SLC36A1: variants seen among roughly 807,000 people sequenced by gnomAD.
SLC36A1 encodes the protein solute carrier family 36 member 1.
A neutral mutation model predicts 47.5 loss-of-function variants in SLC36A1; 30 were observed. That is an observed-to-expected ratio of 0.63 (90% confidence interval 0.47 to 0.86). SLC36A1 has a LOEUF of 0.86. Ranked by LOEUF, SLC36A1 falls within the 40% of genes least tolerant of loss-of-function variation. The pLI is 0.00. For synonymous variants in SLC36A1, 255 were observed against 249.7 expected, an observed-to-expected ratio of 1.02 and a Z score of -0.20; for missense variants, 517 against 606.0, an observed-to-expected ratio of 0.85 and a Z score of 1.54.
the SLC36A1 span, among the ~76,000 whole-genome samples, chr5:151,383,971 G>A: frequency 2.0e-5 from 3 of 152,016 alleles, no homozygotes; most frequent in African/African-American, 4.8e-5. Context: ...CAAGTCCATT[G>A]TAAAACGTAG....
chr5:151,525,268 A>T, the SLC36A1 span, among the ~76,000 whole-genome samples: 1 of 152,306 alleles, frequency 6.6e-6, no homozygotes, highest in Non-Finnish European at 1.5e-5. Context: ...GTTCTTTAGC[A>T]ATTCCTATGA....
At chr5:151,544,863 G>T in the SLC36A1 span, 9 of 1,614,156 alleles carry the variant, frequency 5.6e-6, no homozygotes, top group South Asian at 9.9e-5. Flanking sequence ...CCTGAAAGAG[G>T]ACATCCCCTG....
chr5:151,379,443 C>T, the SLC36A1 span, among the ~76,000 whole-genome samples: 7 of 152,260 alleles, frequency 4.6e-5, no homozygotes, highest in Non-Finnish European at 7.3e-5. Context: ...AAGCGATTCT[C>T]CTGCCTCAGC....
the SLC36A1 span, among the ~76,000 whole-genome samples, chr5:151,536,643 T>C: frequency 4.6e-5 from 7 of 152,186 alleles, no homozygotes; most frequent in Non-Finnish European, 2.9e-5. Context: ...TGCTTCCCAC[T>C]CTGCTCTATC....
chr5:151,351,819 C>T, the SLC36A1 span, among the ~76,000 whole-genome samples: 3 of 152,176 alleles, frequency 2.0e-5, no homozygotes, highest in African/African-American at 7.2e-5. Context: ...CTGGCCTCTC[C>T]ACTTCCCTGT....
Position 151,488,415 on chromosome 5 carries a change from G to A in SLC36A1, c.*161G>A. The stretch of plus-strand genomic sequence containing the variant: ...GGATACCCTGGGCCAGGTAACCTGA[G>A]GGCAGGGGAGAGGTGGGGTGGCAGA... On this transcript the variant is annotated 3_prime_UTR_variant, in exon 11 of 11. Coordinates refer to ENST00000243389, the MANE Select transcript of SLC36A1 (RefSeq NM_078483.4). 1.1e-6 allele frequency: 1 copy of A among 907,892 alleles called. No homozygotes were observed. Among genetic ancestry groups the A allele is most frequent in the Non-Finnish European group, 1.6e-6 (1 of 613,570 alleles). The allele number at this position is 907,892 out of a possible 1,614,324, so 56.2% of individuals were successfully genotyped here.
chr5:151,532,118 T>G, the SLC36A1 span: 3 of 1,014,994 alleles, frequency 3.0e-6, no homozygotes, highest in Non-Finnish European at 4.3e-6. Flanking sequence ...TGAGGGTCTC[T>G]CCAGCGGGGT....
the SLC36A1 span, among the ~76,000 whole-genome samples, chr5:151,353,000 A>C: frequency 0.011 from 1,658 of 152,334 alleles, 68 homozygotes; most frequent in East Asian, 0.15. Context: ...TAAGGGTCTT[A>C]TGACCCACAA....
chr5:151,474,654 T>C (rs2127520098), intron 8 of SLC36A1, among the ~76,000 whole-genome samples: 1 of 152,338 alleles, frequency 6.6e-6, no homozygotes, highest in Admixed American at 6.5e-5. Flanking sequence ...ATTGGTTTGG[T>C]GTATTTTCTG....
At chr5:151,372,601 G>A in the SLC36A1 span, among the ~76,000 whole-genome samples, 4 of 151,880 alleles carry the variant, frequency 2.6e-5, no homozygotes, top group Admixed American at 6.6e-5. Context: ...ATGTCACCAC[G>A]CCCATCTATT....
chr5:151,479,916 C>T, intron 10 of SLC36A1: 5 of 529,238 alleles, frequency 9.4e-6, no homozygotes, highest in East Asian at 3.1e-5. Context: ...CTTAGATTTC[C>T]TTTAGAGGCT....
At chr5:151,524,115 GCTTGAAAAATGAGCTT>G in the SLC36A1 span, among the ~76,000 whole-genome samples, 2 of 152,018 alleles carry the variant, frequency 1.3e-5, no homozygotes, top group Admixed American at 6.6e-5. Context: ...ACTCTATAGA[GCTTGAAAAATGAGCTT>G]CCTGAGACAC....
At chr5:151,526,464 AT>A in the SLC36A1 span, among the ~76,000 whole-genome samples, 2 of 152,218 alleles carry the variant, frequency 1.3e-5, no homozygotes, top group South Asian at 4.1e-4. Flanking sequence ...CCTGAGTATC[AT>A]TTTAGCCTTT....
At chr5:151,530,277 C>T in the SLC36A1 span, among the ~76,000 whole-genome samples, 1 of 150,454 alleles carries the variant, frequency 6.6e-6, no homozygotes, top group Non-Finnish European at 1.5e-5. Flanking sequence ...CCAGTTAGCT[C>T]TTATGTGCGT....
At chr5:151,504,932 C>A in the SLC36A1 span, 1 of 152,998 alleles carries the variant, frequency 6.5e-6, no homozygotes. Context: ...CCTCGGAGTC[C>A]TTGTTGCCCT....
chr5:151,391,990 G>T, the SLC36A1 span, among the ~76,000 whole-genome samples: 1 of 152,002 alleles, frequency 6.6e-6, no homozygotes, highest in African/African-American at 2.4e-5. Flanking sequence ...CCAGCTCCTT[G>T]TTGTACTTCT....
chr5:151,537,106 C>T, the SLC36A1 span, among the ~76,000 whole-genome samples: 446 of 152,036 alleles, frequency 2.9e-3, 2 homozygotes, highest in African/African-American at 0.01. Flanking sequence ...AAGTCAAGTT[C>T]TGCTGTCAAA....
chr5:151,352,500 T>A, the SLC36A1 span, among the ~76,000 whole-genome samples: 5 of 152,166 alleles, frequency 3.3e-5, no homozygotes, highest in African/African-American at 4.8e-5. Flanking sequence ...CAAATTGCCA[T>A]AAACTTAGTG....
intron 2 of SLC36A1, among the ~76,000 whole-genome samples, chr5:151,460,842 G>A (rs769150015): frequency 1.3e-5 from 2 of 148,536 alleles, no homozygotes; most frequent in African/African-American, 2.5e-5. Flanking sequence ...AGTTTGCCAA[G>A]GAACAAAATA....
Sources: gnomAD v4.1 joint callset for allele counts (sites outside exome capture counted in the v4.1 genomes callset) on GRCh38, gnomAD v4.1.1 for gene constraint, MANE v1.5 for transcripts, NCBI Gene and HGNC (gene_info 2026-07-23, HGNC 2026-07-21) for gene names.